GRIK4: variants seen among roughly 807,000 people sequenced by gnomAD.
GRIK4 encodes the protein glutamate receptor ionotropic, kainate 4.
GRIK4 carries 40 observed loss-of-function variants against 104.9 expected under a neutral mutation model. The ratio of observed to expected loss-of-function variants is 0.38; its 90% confidence interval spans 0.30 to 0.50. The LOEUF (loss-of-function observed/expected upper bound fraction) is 0.50, where lower values mean the gene tolerates loss of function less well. Ranked by LOEUF, GRIK4 falls within the 20% of genes least tolerant of loss-of-function variation. The pLI is 0.93. For synonymous variants in GRIK4, 485 were observed against 524.9 expected, an observed-to-expected ratio of 0.92 and a Z score of 1.04; for missense variants, 1,047 against 1,308.1, an observed-to-expected ratio of 0.80 and a Z score of 3.08.
intron 13 of GRIK4, among the ~76,000 whole-genome samples, chr11:120,928,960 CGTGTGT>C (rs61452053): frequency 0.6 from 90,130 of 150,286 alleles, 29,178 homozygotes; most frequent in Middle Eastern, 0.76. Context: ...TTAGCAAAGA[CGTGTGT>C]GTGTGTGTGT....
At chr11:120,578,192 G>A (rs1335428686) in intron 1 of GRIK4, among the ~76,000 whole-genome samples, 2 of 152,200 alleles carry the variant, frequency 1.3e-5, no homozygotes, top group African/African-American at 4.8e-5. Context: ...CCCTGGGGCT[G>A]GGCTGTTTGG....
At chr11:120,881,256 A>G (rs759898206) in intron 11 of GRIK4, among the ~76,000 whole-genome samples, 1 of 152,146 alleles carries the variant, frequency 6.6e-6, no homozygotes, top group South Asian at 2.1e-4. Context: ...TTGTTTTCCA[A>G]TTTTTTTATT....
chr11:120,917,857 C>T (rs757377989), intron 13 of GRIK4, among the ~76,000 whole-genome samples: 18 of 152,136 alleles, frequency 1.2e-4, no homozygotes, highest in Non-Finnish European at 2.4e-4. Context: ...CCCCACTGAG[C>T]GCCAGCTGTT....
chr11:120,679,562 G>A (rs570482186), intron 3 of GRIK4, among the ~76,000 whole-genome samples: 1 of 152,320 alleles, frequency 6.6e-6, no homozygotes, highest in Admixed American at 6.5e-5. Flanking sequence ...CTAGAGTTGT[G>A]ATGGTGCAGG....
chr11:120,693,714 GC>G (rs1342017284), intron 3 of GRIK4, among the ~76,000 whole-genome samples: 1 of 152,182 alleles, frequency 6.6e-6, no homozygotes, highest in African/African-American at 2.4e-5. Context: ...CCTTTTGGAA[GC>G]CAGTTTATCA....
Position 120,856,521 on chromosome 11 carries a change from A to G in GRIK4, c.745-5438A>G, listed in dbSNP as rs1954109429. 1.3e-5 allele frequency among the ~76,000 whole-genome samples: 2 copies of G among 152,150 alleles called. 1 individual carries two copies. The highest frequency in any genetic ancestry group is 4.1e-4 in the South Asian group (2 of 4,834). On this transcript the variant is annotated intron_variant, in intron 8 of 20. Coordinates refer to ENST00000527524, the MANE Select transcript of GRIK4 (RefSeq NM_014619.5). ...GACAACTTCGAGAGACATTTAAGAG[A>G]TAGATTTGACAGAATTGGCAGTTGA... is the stretch of plus-strand genomic sequence containing the variant.
chr11:120,824,645 G>A (rs1403684400), intron 6 of GRIK4, among the ~76,000 whole-genome samples: 4 of 149,908 alleles, frequency 2.7e-5, no homozygotes, highest in Non-Finnish European at 5.9e-5. Context: ...CATCTCTCGG[G>A]TTCAAGTGAT....
At chr11:120,676,886 A>G (rs1950106840) in intron 3 of GRIK4, among the ~76,000 whole-genome samples, 1 of 152,126 alleles carries the variant, frequency 6.6e-6, no homozygotes, top group Non-Finnish European at 1.5e-5. Flanking sequence ...TTCTACAACA[A>G]CTGTTCTTGT....
At chr11:120,565,705 G>A (rs556756031) in intron 1 of GRIK4, among the ~76,000 whole-genome samples, 1 of 152,200 alleles carries the variant, frequency 6.6e-6, no homozygotes, top group African/African-American at 2.4e-5. Flanking sequence ...GAAATACAGG[G>A]TCTGGCTGCA....
chr11:120,939,017 C>T lies in GRIK4; in HGVS notation c.1477-1330C>T, dbSNP rs906730022. On this transcript the variant is annotated intron_variant, in intron 13 of 20. Coordinates refer to ENST00000527524, the MANE Select transcript of GRIK4 (RefSeq NM_014619.5). This position sits in a 1 kb window ranked among gnomAD's most constrained non-coding sequence, Gnocchi z 5.6. ...TTGCTGGGAAGGACCCAGGCACTCT[C>T]CTTGATTTATGGATGAGGTTAAGGG... is the stretch of plus-strand genomic sequence containing the variant. 1.3e-5 allele frequency among the ~76,000 whole-genome samples: 2 copies of T among 152,094 alleles called. No homozygotes were observed. Among genetic ancestry groups the T allele is most frequent in the East Asian group, 1.9e-4 (1 of 5,188 alleles).
intron 1 of GRIK4, among the ~76,000 whole-genome samples, chr11:120,531,896 T>C (rs1000114916): frequency 6.6e-6 from 1 of 152,096 alleles, no homozygotes; most frequent in Non-Finnish European, 1.5e-5. Flanking sequence ...TCTTAGCACC[T>C]TGCAACCTCA....
At chr11:120,897,601 C>CA (rs56807699) in intron 11 of GRIK4, among the ~76,000 whole-genome samples, 398 of 13,050 alleles carry the variant, frequency 0.03, 84 homozygotes, top group Non-Finnish European at 0.049. Flanking sequence ...GACTCCTTCT[C>CA]AAAAAAAAAA....
At chr11:120,763,306 TTTA>T (rs1359604293) in intron 3 of GRIK4, among the ~76,000 whole-genome samples, 2 of 152,216 alleles carry the variant, frequency 1.3e-5, no homozygotes, top group African/African-American at 2.4e-5. Flanking sequence ...TTTATCATTT[TTTA>T]TTGTGTCTAT....
intron 13 of GRIK4, among the ~76,000 whole-genome samples, chr11:120,929,366 G>A (rs541885670): frequency 9.2e-5 from 14 of 152,268 alleles, no homozygotes; most frequent in Non-Finnish European, 1.9e-4. Context: ...GTGGGAGTGA[G>A]CCTCCCTGGC....
At chr11:120,562,817 T>C (rs1380811497) in intron 1 of GRIK4, among the ~76,000 whole-genome samples, 3 of 152,054 alleles carry the variant, frequency 2.0e-5, no homozygotes, top group African/African-American at 7.3e-5. Context: ...TTCTAGAAGG[T>C]AGAACCCACA....
intron 13 of GRIK4, among the ~76,000 whole-genome samples, chr11:120,931,295 C>A (rs779159143): frequency 5.3e-5 from 8 of 152,104 alleles, no homozygotes; most frequent in Admixed American, 2.6e-4. Context: ...GAGAGAATGG[C>A]AGGCTAGGAG....
chr11:120,955,709 C>T (rs1944128524), intron 15 of GRIK4, among the ~76,000 whole-genome samples: 1 of 152,206 alleles, frequency 6.6e-6, no homozygotes, highest in South Asian at 2.1e-4. Context: ...CCCATGCGTG[C>T]ATTACACTCA....
Position 120,808,501 on chromosome 11 carries a change from G to A in GRIK4, c.247+5644G>A, listed in dbSNP as rs575551421. Among the ~76,000 whole-genome samples the A allele has an allele frequency of 5.3e-5, 8 of 152,290 alleles. No individual in the cohort carries two copies. In the South Asian group the frequency reaches 1.2e-3, roughly 24 times the overall value. On this transcript the variant is annotated intron_variant, in intron 4 of 20. Transcript: ENST00000527524. ...GCTTGGGACCAGGTGAAGGCTTTGC[G>A]TGATACGCTGTTGGTGAGGAGAGGC...
intron 1 of GRIK4, among the ~76,000 whole-genome samples, chr11:120,545,420 A>T (rs1281357621): frequency 6.6e-6 from 1 of 152,262 alleles, no homozygotes; most frequent in African/African-American, 2.4e-5. Flanking sequence ...GGAAATTGCC[A>T]ACAATCCTAC....
Sources: gnomAD v4.1 joint callset for allele counts (sites outside exome capture counted in the v4.1 genomes callset) on GRCh38, gnomAD v4.1.1 for gene constraint, Gnocchi (gnomAD v3.1) non-coding constraint, MANE v1.5 for transcripts, NCBI Gene and HGNC (gene_info 2026-07-23, HGNC 2026-07-21) for gene names.